The following ZNF7 variants were observed in gnomAD, a reference collection of about 807,000 sequenced individuals.
The protein encoded by ZNF7 is zinc finger protein 7, also known as C2-H2 type zinc finger protein.
Under a neutral mutation model 12.0 loss-of-function variants are expected in ZNF7, and 10 were observed. The ratio of observed to expected loss-of-function variants is 0.83; its 90% CI spans 0.51 to 1.42. The LOEUF (loss-of-function observed/expected upper bound fraction) is 1.42. Ranked by LOEUF, ZNF7 falls within the 40% of genes most tolerant of loss-of-function variation. The pLI, the probability that ZNF7 is intolerant of heterozygous loss-of-function variation, is 0.00. For synonymous variants in ZNF7, 334 were observed against 295.0 expected (o/e 1.13, Z -1.35); for missense variants, 854 against 837.2 (o/e 1.02, Z -0.25).
At chr8:144,840,860 C>T (rs1254052251) in intron 4 of ZNF7, among the ~76,000 whole-genome samples, 1 of 152,160 alleles carries the variant, frequency 6.6e-6, no homozygotes, top group Non-Finnish European at 1.5e-5. Context: ...GCCTAGGTGC[C>T]CAGTGCTCTT....
chr8:144,830,013 C>T (rs536887772), intron 3 of ZNF7: 50 of 160,434 alleles, frequency 3.1e-4, no homozygotes, highest in Middle Eastern at 6.4e-3. Context: ...CCTGTCCTGC[C>T]GTTAGTCTCC....
intron 4 of ZNF7, among the ~76,000 whole-genome samples, chr8:144,837,740 C>T (rs1315716965): frequency 6.6e-5 from 10 of 152,160 alleles, no homozygotes. Flanking sequence ...TGCATTTCCA[C>T]AAAAACGGAG....
chr8:144,838,054 G>A (rs761764081), intron 4 of ZNF7: 9 of 693,480 alleles, frequency 1.3e-5, no homozygotes, highest in South Asian at 7.4e-5. Flanking sequence ...AAGCAGGGCC[G>A]TGCCCCCCTG....
intron 3 of ZNF7, chr8:144,834,431 G>A (rs1294721572): frequency 6.6e-6 from 1 of 152,188 alleles, no homozygotes; most frequent in East Asian, 1.9e-4. Flanking sequence ...TGGGCATGTT[G>A]TGTTCCTGAT....
At chr8:144,841,299 T>C in intron 4 of ZNF7, 56 bp from the exon 5 acceptor site, 1 of 1,523,100 alleles carries the variant, frequency 6.6e-7, no homozygotes, top group Admixed American at 2.0e-5. Context: ...ATTTGTAGTC[T>C]TATCATTTCT....
At chr8:144,832,931 C>T (rs1311493761) in intron 3 of ZNF7, among the ~76,000 whole-genome samples, 1 of 152,104 alleles carries the variant, frequency 6.6e-6, no homozygotes, top group Admixed American at 6.5e-5. Context: ...CTCGGTGGCT[C>T]ACACCTGTAA....
chr8:144,839,435 G>C (rs1829562971), intron 4 of ZNF7, among the ~76,000 whole-genome samples: 1 of 152,250 alleles, frequency 6.6e-6, no homozygotes, highest in East Asian at 1.9e-4. Flanking sequence ...CTATAAGGTG[G>C]CCCAGTTAAA....
At position 144,829,533 on chromosome 8, in the gene ZNF7, G is replaced by A; in HGVS notation, c.59G>A (p.Cys20Tyr). The A allele has an allele frequency of 6.2e-7, 1 of 1,614,164 alleles. No individual in the cohort carries two copies. Among genetic ancestry groups the A allele is most frequent in the East Asian group, 2.2e-5 (1 of 44,882 alleles). Residue 20 changes from cysteine (C) to tyrosine (Y), a missense_variant, in exon 3 of 5, where the codon TGT (cysteine) becomes TAT (tyrosine). Coordinates refer to ENST00000532777, the MANE Select transcript of ZNF7 (RefSeq NM_003416.4). Reference protein sequence around the residue: ...AVHFSREEWQCLDPGQRALYR... With the variant: ...AVHFSREEWQYLDPGQRALYR... ...CACTTCTCTCGGGAGGAGTGGCAGTGTCTGGACCCTGGCCAGAGGGCCCTC... is the reference window on the plus strand; with the variant it reads ...CACTTCTCTCGGGAGGAGTGGCAGTATCTGGACCCTGGCCAGAGGGCCCTC...
In ZNF7 at chr8:144,837,395, ATTCCTGGTT is replaced by A. The variant is rs1461157701; in HGVS notation, c.139_147del (p.Leu47_Phe49del). ...TCTTCTCTGCCGCACACACAGCAGG[ATTCCTGGTT>A]TTCAAGCCTGAGCTGATCTCTCGGC... On this transcript the variant is annotated inframe_deletion, in exon 4 of 5. Coordinates refer to ENST00000532777, the MANE Select transcript of ZNF7 (RefSeq NM_003416.4). 6.2e-7 allele frequency: 1 copy of A among 1,608,226 alleles called. No homozygotes were observed.
At position 144,841,486 on chromosome 8, in the gene ZNF7, GAT is replaced by G; in HGVS notation, c.380_381del (p.Asp127ValfsTer2). On this transcript the variant is annotated frameshift_variant, in exon 5 of 5. Coordinates refer to ENST00000532777, the MANE Select transcript of ZNF7 (RefSeq NM_003416.4). LOFTEE classifies it low-confidence loss of function (END_TRUNC). ...PQNPGFGDVS[D>X]SEVWLDSHLG... ...GAATCCTGGCTTTGGAGACGTTTCT[GAT>G]TCTGAGGTCTGGTTAGACAGTCATC... 6.2e-7 allele frequency: 1 copy of G among 1,614,196 alleles called. No individual in the cohort carries two copies.
downstream of ZNF7, among the ~76,000 whole-genome samples, chr8:144,844,583 AC>A (rs1171738920): frequency 1.2e-4 from 18 of 151,752 alleles, no homozygotes; most frequent in African/African-American, 3.4e-4. Context: ...GGTGGCGGGC[AC>A]CTGTAGTCTC....
chr8:144,844,224 C>G (rs1036907085), downstream of ZNF7, among the ~76,000 whole-genome samples: 7 of 152,136 alleles, frequency 4.6e-5, no homozygotes, highest in African/African-American at 1.7e-4. Flanking sequence ...GAGAAACATG[C>G]CTTACTGGGC....
chr8:144,846,565 C>T (rs571068978), downstream of ZNF7: 20 of 189,752 alleles, frequency 1.1e-4, no homozygotes, highest in Non-Finnish European at 2.0e-4. Flanking sequence ...ATTATTTTTC[C>T]TCTCAGCCCT....
rs745868619 is a variant in ZNF7 at position 144,832,258 on chromosome 8, CA to C, written c.130+2669del. ...GTGAAACCCTGTCTTTATTAAAATG[CA>C]AAAAAAAAAAAAAATTAGCTGGGCA... On this transcript the variant is annotated intron_variant, in intron 3 of 4. Coordinates refer to ENST00000532777, the MANE Select transcript of ZNF7 (RefSeq NM_003416.4). Among the ~76,000 whole-genome samples, 428 of 68,538 alleles carry C rather than the reference CA, an allele frequency of 6.2e-3. 54 individuals carry two copies. The highest frequency in any genetic ancestry group is 9.4e-3 in the Middle Eastern group (1 of 106). 45.0% of individuals were successfully genotyped at this position (68,538 alleles called of 152,430 possible).
At chr8:144,828,905 C>A in intron 1 of ZNF7, 138 bp from the exon 2 acceptor site, 2 of 1,123,280 alleles carry the variant, frequency 1.8e-6, no homozygotes, top group Non-Finnish European at 2.5e-6. Flanking sequence ...GCCATGGCTG[C>A]TTCAGCCCAG....
chr8:144,831,609 C>G (rs1828457235), intron 3 of ZNF7, among the ~76,000 whole-genome samples: 3 of 151,710 alleles, frequency 2.0e-5, no homozygotes, highest in South Asian at 2.1e-4. Flanking sequence ...GGGTGAAACC[C>G]CCGTCTCTAC....
intron 3 of ZNF7, among the ~76,000 whole-genome samples, chr8:144,830,211 C>G (rs28408412): frequency 0.043 from 6,553 of 152,268 alleles, 459 homozygotes; most frequent in African/African-American, 0.15. Flanking sequence ...GAGAGAGTGC[C>G]TGGGCTGGGG....
chr8:144,830,904 A>G (rs752598619), intron 3 of ZNF7: 41 of 457,836 alleles, frequency 9.0e-5, no homozygotes, highest in Non-Finnish European at 2.2e-5. Context: ...CAGCCGGAGT[A>G]AGGGTACTTC....
chr8:144,829,342 A>C (rs1828165422), intron 2 of ZNF7, 136 bp from the exon 3 acceptor site: 2 of 1,546,440 alleles, frequency 1.3e-6, no homozygotes, highest in Admixed American at 1.9e-5. Context: ...CCCTCCCCAG[A>C]ATATTAGAGG....
Sources: allele counts gnomAD v4.1 joint callset (sites outside exome capture counted in the v4.1 genomes callset), GRCh38; gene constraint gnomAD v4.1.1; transcripts MANE v1.5; gene names NCBI Gene and HGNC (gene_info 2026-07-23, HGNC 2026-07-21).